Variants in CHODL observed in about 807,000 individuals in gnomAD.
CHODL encodes chondrolectin, also known as transmembrane protein MT75.
CHODL carries 29 observed loss-of-function variants against 34.5 expected under a neutral mutation model. The ratio of observed to expected loss-of-function variants is 0.84; its 90% confidence interval spans 0.63 to 1.15. CHODL has a LOEUF of 1.15. Ranked by LOEUF, CHODL falls within the 50% of genes most tolerant of loss-of-function variation. CHODL has a pLI of 0.00. For missense variants in CHODL, 332 were observed against 332.5 expected (o/e 1.00, Z 0.01); for synonymous variants, 125 against 116.1 (o/e 1.08, Z -0.49).
chr21:17,969,763 A>G (rs560576563), intron 1 of CHODL, among the ~76,000 whole-genome samples: 2 of 152,232 alleles, frequency 1.3e-5, no homozygotes, highest in Non-Finnish European at 2.9e-5. Flanking sequence ...ACTTTGAGGC[A>G]TTACTATGAT....
intron 1 of CHODL, among the ~76,000 whole-genome samples, chr21:17,972,590 G>A (rs1041668255): frequency 1.3e-5 from 2 of 152,222 alleles, no homozygotes; most frequent in African/African-American, 4.8e-5. Context: ...TACAAGGGAT[G>A]TGAAGGACCT....
chr21:18,016,644 A>G (rs548742016), intron 1 of CHODL, among the ~76,000 whole-genome samples: 1 of 152,308 alleles, frequency 6.6e-6, no homozygotes, highest in Non-Finnish European at 1.5e-5. Flanking sequence ...TCACTGGGAC[A>G]CTGCCTAGTG....
Position 17,991,084 on chromosome 21 carries a change from A to C in CHODL, c.-144-36788A>C, listed in dbSNP as rs1052359507. 4.6e-5 allele frequency among the ~76,000 whole-genome samples: 7 copies of C among 152,194 alleles called. No individual in the cohort carries two copies. The East Asian group carries it at 1.4e-3, about 29-fold the overall frequency. ...TATTTGTCTGTGTGTAGTTTATTTC[A>C]TTTAACATAATGACCCCCAGTTCTA... On this transcript the variant is annotated intron_variant, in intron 1 of 6. Transcript: ENST00000400127.
intron 2 of CHODL, among the ~76,000 whole-genome samples, chr21:18,143,736 C>T (rs1180130319): frequency 6.6e-6 from 1 of 151,914 alleles, no homozygotes. Context: ...GATAGTTGGC[C>T]ATTATTATAA....
chr21:17,973,102 A>G (rs768623292), intron 1 of CHODL, among the ~76,000 whole-genome samples: 3 of 152,232 alleles, frequency 2.0e-5, no homozygotes, highest in Admixed American at 6.5e-5. Context: ...TAGAAAACTG[A>G]AACTGGACCC....
chr21:17,918,336 A>G (rs1326931086), intron 1 of CHODL, among the ~76,000 whole-genome samples: 1 of 152,174 alleles, frequency 6.6e-6, no homozygotes, highest in Non-Finnish European at 1.5e-5. Flanking sequence ...GCTGATAAAG[A>G]CATGTGTGAG....
At chr21:18,260,340 C>G in intron 4 of CHODL, 54 bp downstream of exon 4, 1 of 1,151,216 alleles carries the variant, frequency 8.7e-7, no homozygotes. Context: ...TACTTTCAAA[C>G]GCTGCTTCAT....
At chr21:18,005,097 A>G (rs1867704) in intron 1 of CHODL, among the ~76,000 whole-genome samples, 24,378 of 152,182 alleles carry the variant, frequency 0.16, 2,073 homozygotes, top group South Asian at 0.29. Flanking sequence ...CATTTGTTAA[A>G]AAAAGATTCA....
chr21:17,951,110 G>A (rs1410630059), intron 1 of CHODL, among the ~76,000 whole-genome samples: 1 of 46,340 alleles, frequency 2.2e-5, no homozygotes, highest in Admixed American at 2.9e-4. Context: ...CTCTATACGT[G>A]TGTGTGTGTG....
chr21:18,130,400 A>G (rs888482463), intron 2 of CHODL, among the ~76,000 whole-genome samples: 2 of 152,236 alleles, frequency 1.3e-5, no homozygotes, highest in South Asian at 2.1e-4. Flanking sequence ...CTTTGTGCAT[A>G]GTTAAAACAA....
chr21:17,978,319 G>A (rs1377740345), intron 1 of CHODL, among the ~76,000 whole-genome samples: 1 of 151,998 alleles, frequency 6.6e-6, no homozygotes, highest in Non-Finnish European at 1.5e-5. Context: ...CTACTTGGGA[G>A]GCTGAGGCAG....
chr21:18,108,245 A>G (rs534446606), intron 2 of CHODL, among the ~76,000 whole-genome samples: 26 of 151,942 alleles, frequency 1.7e-4, no homozygotes, highest in African/African-American at 5.8e-4. Context: ...CATATTTAGG[A>G]TATGGTCCTT....
chr21:18,108,301 G>A (rs923253380), intron 2 of CHODL, among the ~76,000 whole-genome samples: 2 of 152,068 alleles, frequency 1.3e-5, no homozygotes, highest in African/African-American at 4.8e-5. Flanking sequence ...TAGGGTATTG[G>A]ATCTCCCATG....
At chr21:18,248,134 A>T (rs1470638110) in intron 1 of CHODL, among the ~76,000 whole-genome samples, 10 of 151,780 alleles carry the variant, frequency 6.6e-5, no homozygotes, top group Non-Finnish European at 1.5e-4. Context: ...TTTAATATAT[A>T]TCAGTTTAAC....
chr21:18,225,807 C>A (rs1483266916), intron 2 of CHODL, among the ~76,000 whole-genome samples: 1 of 151,972 alleles, frequency 6.6e-6, no homozygotes, highest in Non-Finnish European at 1.5e-5. Flanking sequence ...AAACCAGACA[C>A]ATAACAGTAA....
At chr21:18,219,175 T>C (rs912692570) in intron 2 of CHODL, among the ~76,000 whole-genome samples, 3 of 152,164 alleles carry the variant, frequency 2.0e-5, no homozygotes, top group African/African-American at 7.2e-5. Context: ...CTTGGTAATT[T>C]ATAAGGGAAA....
chr21:18,204,707 G>A (rs934160353), intron 2 of CHODL, among the ~76,000 whole-genome samples: 2 of 152,106 alleles, frequency 1.3e-5, no homozygotes, highest in Admixed American at 1.3e-4. Flanking sequence ...CTGAGTTTCT[G>A]TATCTGGAAA....
chr21:18,037,858 C>T (rs949814374), intron 2 of CHODL, among the ~76,000 whole-genome samples: 6 of 151,670 alleles, frequency 4.0e-5, no homozygotes, highest in African/African-American at 1.5e-4. Flanking sequence ...ACAGATTTAA[C>T]ATTTTCCTCT....
chr21:17,980,289 A>C (rs1408452276), intron 1 of CHODL, among the ~76,000 whole-genome samples: 1 of 152,154 alleles, frequency 6.6e-6, no homozygotes, highest in African/African-American at 2.4e-5. Context: ...ATAAATGACC[A>C]TTATTTACCC....
Sources: gnomAD v4.1 joint callset for allele counts (sites outside exome capture counted in the v4.1 genomes callset) on GRCh38, gnomAD v4.1.1 for gene constraint, MANE v1.5 for transcripts, NCBI Gene and HGNC (gene_info 2026-07-23, HGNC 2026-07-21) for gene names.